The following PCDHGC5 variants were observed in gnomAD, a reference collection of about 807,000 sequenced individuals.
The protein encoded by PCDHGC5 is protocadherin gamma-C5.
PCDHGC5 carries 25 observed loss-of-function variants against 59.0 expected under a neutral mutation model. That is an observed-to-expected ratio of 0.42 (90% CI 0.31 to 0.59). The LOEUF is 0.59. Among genes scored for constraint, PCDHGC5 ranks in the 20% least tolerant of loss-of-function variants. The pLI, the probability that PCDHGC5 is intolerant of heterozygous loss-of-function variation, is 0.13. For missense variants in PCDHGC5, 1,067 were observed against 1,206.4 expected, an observed-to-expected ratio of 0.88 and a Z score of 1.71; for synonymous variants, 434 against 505.5, an observed-to-expected ratio of 0.86 and a Z score of 1.90.
intron 3 of PCDHGC5, among the ~76,000 whole-genome samples, chr5:141,505,861 C>A (rs115699706): frequency 0.034 from 5,102 of 152,242 alleles, 131 homozygotes; most frequent in Admixed American, 0.057. Flanking sequence ...GGGACAGGGA[C>A]CCCAAAGGGT....
In PCDHGC5 at chr5:141,491,633, C is replaced by T; in HGVS notation, c.2393C>T (p.Pro798Leu). Reference sequence around the variant, plus strand: ...CTAAGACCCCTCAGCGTTCAGCAGCCCACAGCTCTGGCGCTGGAGCCTGAC... The same window carrying T: ...CTAAGACCCCTCAGCGTTCAGCAGCTCACAGCTCTGGCGCTGGAGCCTGAC... ...TFLRPLSVQQ[P>L]TALALEPDAI... The change falls in exon 1 of 4, where the codon CCC becomes CTC. Residue 798 changes from proline to leucine, a missense_variant. Pro to Leu is a moderately conservative substitution (Grantham distance 98). Transcript: ENST00000252087. This position sits in a 1 kb window ranked among gnomAD's most constrained non-coding sequence, Gnocchi z 6.9. 2 of 1,613,916 alleles carry T rather than the reference C, an allele frequency of 1.2e-6. No homozygotes were observed.
At chr5:141,502,866 C>CTTTTTTTTTTTTTTTT (rs549047197) in intron 2 of PCDHGC5, among the ~76,000 whole-genome samples, 4 of 128,044 alleles carry the variant, frequency 3.1e-5, no homozygotes, top group African/African-American at 3.1e-5. Context: ...GACTCTCTGT[C>CTTTTTTTTTTTTTTTT]TTTTTTTTTT....
chr5:141,494,613 G>A (rs2099755672), intron 1 of PCDHGC5, among the ~76,000 whole-genome samples, 194 bp from the exon 2 acceptor site: 1 of 152,136 alleles, frequency 6.6e-6, no homozygotes, highest in Non-Finnish European at 1.5e-5. Context: ...TTATCTCTTG[G>A]TTTCTGGTAC....
chr5:141,490,736 A>G lies in PCDHGC5; in HGVS notation c.1496A>G (p.Gln499Arg), dbSNP rs747567176. The G allele has an allele frequency of 5.0e-6, 8 of 1,614,084 alleles. No individual in the cohort carries two copies. Among genetic ancestry groups the G allele is most frequent in the Non-Finnish European group, 6.8e-6 (8 of 1,180,034 alleles). The change falls in exon 1 of 4, where the codon CAG (glutamine) becomes CGG (arginine). Residue 499 changes from glutamine to arginine, a missense_variant. Physicochemically the swap from Gln to Arg is conservative, Grantham distance 43. Transcript: ENST00000252087. This position sits in a 1 kb window ranked among gnomAD's most constrained non-coding sequence, Gnocchi z 5.4. ...LTYSIVGNQV[Q>R]GAPASSFVYV... The stretch of plus-strand genomic sequence containing the variant: ...TACTCCATTGTAGGAAATCAGGTTC[A>G]GGGAGCCCCAGCCTCCTCCTTTGTG...
At position 141,491,134 on chromosome 5, in the gene PCDHGC5, C is replaced by T. The variant is rs1594979273; in HGVS notation, c.1894C>T (p.Arg632Trp). Reference sequence around the variant, plus strand: ...ACACACTGGTGAGGTGCGCACAGCCCGGGCCTTACTGGAGGATGACTCTGA... The same window carrying T: ...ACACACTGGTGAGGTGCGCACAGCCTGGGCCTTACTGGAGGATGACTCTGA... ...STHTGEVRTA[R>W]ALLEDDSDTQ... The change falls in exon 1 of 4, where the codon CGG (arginine) becomes TGG (tryptophan). Residue 632 changes from arginine (R) to tryptophan (W), a missense_variant. Transcript: ENST00000252087. The surrounding 1 kb of genome is among the most constrained non-coding windows in gnomAD (Gnocchi z 6.9). The T allele has an allele frequency of 6.2e-7, 1 of 1,614,138 alleles. No homozygotes were observed. Among genetic ancestry groups the T allele is most frequent in the Non-Finnish European group, 8.5e-7 (1 of 1,179,994 alleles).
At position 141,512,133 on chromosome 5, in the gene PCDHGC5, G is replaced by C. The variant is rs1394116556; in HGVS notation, c.*960G>C. 1 of 152,708 alleles carries C rather than the reference G, an allele frequency of 6.5e-6. No homozygotes were observed. Among genetic ancestry groups the C allele is most frequent in the Non-Finnish European group, 1.5e-5 (1 of 68,102 alleles). The allele number at this position is 152,708 out of a possible 1,614,324, so 9.5% of individuals were successfully genotyped here. On this transcript the variant is annotated 3_prime_UTR_variant, in exon 4 of 4. Transcript: ENST00000252087. ...CCACTACATAATAGGGCTCAGCCCA[G>C]GCAGCCAGCTTTGGGCTGAGCTAAC...
In PCDHGC5 at chr5:141,489,493, G is replaced by C. The variant is rs1485293604; in HGVS notation, c.253G>C (p.Ala85Pro). 3 of 1,614,078 alleles carry C rather than the reference G, an allele frequency of 1.9e-6. No homozygotes were observed. The South Asian group carries it at 3.3e-5, about 18-fold the overall frequency. Residue 85 changes from alanine to proline, a missense_variant, in exon 1 of 4, where the codon GCA (alanine) becomes CCA (proline). Coordinates refer to ENST00000252087, the MANE Select transcript of PCDHGC5 (RefSeq NM_018929.3). This position sits in a 1 kb window ranked among gnomAD's most constrained non-coding sequence, Gnocchi z 4.5. ...FSLSLMSGAL[A>P]VNQKIDRESL... Reference sequence around the variant, plus strand: ...CCTGAGCTTGATGAGTGGTGCCCTGGCAGTGAATCAAAAGATTGACCGAGA... The same window carrying C: ...CCTGAGCTTGATGAGTGGTGCCCTGCCAGTGAATCAAAAGATTGACCGAGA...
chr5:141,497,466 G>T (rs1047422582), intron 2 of PCDHGC5, among the ~76,000 whole-genome samples: 2 of 152,020 alleles, frequency 1.3e-5, no homozygotes, highest in African/African-American at 4.8e-5. Flanking sequence ...TGGAGATATG[G>T]AGGAGAAGGT....
chr5:141,509,477 G>A (rs753058277), intron 3 of PCDHGC5, among the ~76,000 whole-genome samples: 7 of 152,166 alleles, frequency 4.6e-5, no homozygotes, highest in African/African-American at 7.2e-5. Context: ...CAGGTGAGGG[G>A]TAGAGGTGAT....
At position 141,505,200 on chromosome 5, in the gene PCDHGC5, G is replaced by T. The variant is rs528060752; in HGVS notation, c.2520-193G>T. On this transcript the variant is annotated intron_variant, in intron 2 of 3. Transcript: ENST00000252087. ...AAAGCATCGGAGGCAGCAAAGAGCTGGTTTGAGGGACTGACTTGTGGGATT... is the reference window on the plus strand; with the variant it reads ...AAAGCATCGGAGGCAGCAAAGAGCTTGTTTGAGGGACTGACTTGTGGGATT... Among the ~76,000 whole-genome samples the T allele has an allele frequency of 6.6e-5, 10 of 152,244 alleles. No individual in the cohort carries two copies. The East Asian group carries it at 7.7e-4, about 12-fold the overall frequency.
Position 141,489,830 on chromosome 5 carries a change from A to C in PCDHGC5, c.590A>C (p.Glu197Ala). The change falls in exon 1 of 4, where the codon GAG becomes GCG. Residue 197 changes from glutamate (E) to alanine (A), a missense_variant. Transcript: ENST00000252087. The surrounding 1 kb of genome is among the most constrained non-coding windows in gnomAD (Gnocchi z 4.5). ...AAGCCATTCCCAGAGCTGGTGCTAG[A>C]GCAGCAGCTGGATCGTGAAGCCCAG... ...DGKPFPELVL[E>A]QQLDREAQAR... 1 of 1,614,200 alleles carries C rather than the reference A, an allele frequency of 6.2e-7. No homozygotes were observed. Among genetic ancestry groups the C allele is most frequent in the Non-Finnish European group, 8.5e-7 (1 of 1,180,010 alleles).
At chr5:141,508,440 T>C (rs2099868879) in intron 3 of PCDHGC5, among the ~76,000 whole-genome samples, 1 of 152,186 alleles carries the variant, frequency 6.6e-6, no homozygotes, top group African/African-American at 2.4e-5. Context: ...CACAGTTCCT[T>C]AGTGGCAGAG....
chr5:141,495,430 C>T (rs1189953474), intron 2 of PCDHGC5, among the ~76,000 whole-genome samples: 3 of 152,220 alleles, frequency 2.0e-5, no homozygotes, highest in Admixed American at 2.0e-4. Context: ...TCCCACTGTC[C>T]TCTGCCCCTA....
Position 141,511,303 on chromosome 5 carries a change from C to T in PCDHGC5, c.*130C>T, listed in dbSNP as rs2099883709. 2.7e-6 allele frequency: 4 copies of T among 1,490,160 alleles called. No homozygotes were observed. Among genetic ancestry groups the T allele is most frequent in the Non-Finnish European group, 3.6e-6 (4 of 1,116,196 alleles). 92.3% of individuals were successfully genotyped at this position (1,490,160 alleles called of 1,614,324 possible). ...CTGGTAGGGGCCAAGGCCATGCTCC[C>T]CTTGGGAAACAGAAACAAGTGCCCA... On this transcript the variant is annotated 3_prime_UTR_variant, in exon 4 of 4. Coordinates refer to ENST00000252087, the MANE Select transcript of PCDHGC5 (RefSeq NM_018929.3).
At position 141,512,881 on chromosome 5, in the gene PCDHGC5, C is replaced by T. The variant is rs1274589284; in HGVS notation, c.*1708C>T. 1.3e-5 allele frequency: 2 copies of T among 152,268 alleles called. No homozygotes were observed. Among genetic ancestry groups the T allele is most frequent in the African/African-American group, 4.8e-5 (2 of 41,458 alleles). 9.4% of individuals were successfully genotyped at this position (152,268 alleles called of 1,614,324 possible). On this transcript the variant is annotated 3_prime_UTR_variant, in exon 4 of 4. Coordinates refer to ENST00000252087, the MANE Select transcript of PCDHGC5 (RefSeq NM_018929.3). Reference sequence around the variant, plus strand: ...TCGCATAGTCACGTAGCTCCCACCCCACCCTCTTCCTGTGTCTCACGCAAG... The same window carrying T: ...TCGCATAGTCACGTAGCTCCCACCCTACCCTCTTCCTGTGTCTCACGCAAG...
chr5:141,495,069 T>G (rs1179878936), intron 2 of PCDHGC5, among the ~76,000 whole-genome samples: 1 of 152,142 alleles, frequency 6.6e-6, no homozygotes, highest in African/African-American at 2.4e-5. Flanking sequence ...GGAAGCTCAA[T>G]TCACATGCTT....
intron 3 of PCDHGC5, 73 bp from the exon 4 acceptor site, chr5:141,510,874 G>C: frequency 6.2e-7 from 1 of 1,610,126 alleles, no homozygotes; most frequent in Non-Finnish European, 8.5e-7. Context: ...TTCATTAACT[G>C]CTGGGGATAT....
At chr5:141,506,993 C>T (rs781663602) in intron 3 of PCDHGC5, 18 of 152,184 alleles carry the variant, frequency 1.2e-4, no homozygotes, top group Non-Finnish European at 1.8e-4. Context: ...TTCTCACACT[C>T]GACAGATGAG....
At chr5:141,508,434 G>A (rs2099868795) in intron 3 of PCDHGC5, among the ~76,000 whole-genome samples, 1 of 152,160 alleles carries the variant, frequency 6.6e-6, no homozygotes, top group Admixed American at 6.5e-5. Flanking sequence ...AGCTCACACA[G>A]TTCCTTAGTG....
Sources: allele counts gnomAD v4.1 joint callset (sites outside exome capture counted in the v4.1 genomes callset), GRCh38; gene constraint gnomAD v4.1.1; non-coding constraint Gnocchi (gnomAD v3.1); transcripts MANE v1.5; gene names NCBI Gene and HGNC (gene_info 2026-07-23, HGNC 2026-07-21).